The following CFI variants were observed in gnomAD, a reference collection of about 807,000 sequenced individuals.
The protein encoded by CFI is C3B/C4B inactivator.
Under a neutral mutation model 78.8 loss-of-function variants are expected in CFI, and 66 were observed. The ratio of observed to expected loss-of-function variants is 0.84; its 90% CI spans 0.69 to 1.03. The LOEUF (loss-of-function observed/expected upper bound fraction) is 1.03, where lower values mean the gene tolerates loss of function less well. Ranked by LOEUF, CFI falls within the 50% of genes least tolerant of loss-of-function variation. CFI has a pLI of 0.00. For synonymous variants in CFI, 250 were observed against 232.6 expected, an observed-to-expected ratio of 1.07 and a Z score of -0.68; for missense variants, 706 against 704.5, an observed-to-expected ratio of 1.00 and a Z score of -0.02.
At chr4:109,734,736 G>A in the CFI span, among the ~76,000 whole-genome samples, 2 of 152,020 alleles carry the variant, frequency 1.3e-5, no homozygotes. Context: ...CCTAGGAGGT[G>A]GAGGTTGCAG....
chr4:109,791,545 G>C (rs913986682), intron 1 of CFI, among the ~76,000 whole-genome samples: 3 of 152,108 alleles, frequency 2.0e-5, no homozygotes, highest in Admixed American at 1.3e-4. Flanking sequence ...TATTGCCTAG[G>C]TTGTCTTCCA....
rs139323370 is a variant in CFI, at chr4:109,766,016, G to T, written c.328+538C>A. Among the ~76,000 whole-genome samples the T allele has an allele frequency of 9.3e-3, 1,414 of 152,178 alleles. 65 individuals carry two copies. The East Asian group carries it at 0.13, about 14-fold the overall frequency. ...ACCTGTAGTCCCAGCTACTCAGGAG[G>T]CTGAGGCAGGAGAATGGCATGAACC... On this transcript the variant is annotated intron_variant, in intron 2 of 12. Coordinates refer to ENST00000394634, the MANE Select transcript of CFI (RefSeq NM_000204.5).
intron 11 of CFI, among the ~76,000 whole-genome samples, chr4:109,743,533 G>A (rs996126742): frequency 8.5e-5 from 13 of 152,156 alleles, no homozygotes; most frequent in Non-Finnish European, 1.6e-4. Context: ...TTTGTTGACT[G>A]GGTCCATATT....
chr4:109,778,265 T>C, intron 1 of CFI, among the ~76,000 whole-genome samples: 1 of 151,062 alleles, frequency 6.6e-6, no homozygotes, highest in Non-Finnish European at 1.5e-5. Flanking sequence ...AAGAGAAGAA[T>C]CAAATAGATG....
intron 8 of CFI, among the ~76,000 whole-genome samples, chr4:109,750,810 A>G (rs1380185050): frequency 6.6e-6 from 1 of 152,188 alleles, no homozygotes; most frequent in African/African-American, 2.4e-5. Flanking sequence ...TGTTGTATGG[A>G]GGCTAAAGCA....
At position 109,740,755 on chromosome 4, in the gene CFI, T is replaced by A. The variant is rs550949185; in HGVS notation, c.*138A>T. 1.2e-6 allele frequency: 1 copy of A among 823,634 alleles called. No individual in the cohort carries two copies. The highest frequency in any genetic ancestry group is 2.6e-5 in the East Asian group (1 of 37,828). 51.0% of individuals were successfully genotyped at this position (823,634 alleles called of 1,614,324 possible). A position where few individuals can be genotyped will look rare whatever the true frequency, so the allele number is the denominator to read the frequency against. ...AACAAAATTCCAATATGGCATAAAC[T>A]CTGTGGAGACCTTTAAAAATATCCA... On this transcript the variant is annotated 3_prime_UTR_variant, in exon 13 of 13. Coordinates refer to ENST00000394634, the MANE Select transcript of CFI (RefSeq NM_000204.5).
chr4:109,743,899 C>T (rs1179838534), intron 11 of CFI, among the ~76,000 whole-genome samples: 3 of 151,820 alleles, frequency 2.0e-5, no homozygotes, highest in Non-Finnish European at 2.9e-5. Context: ...GTGGGAGGAT[C>T]GCTTGAGCCC....
At chr4:109,736,384 C>T (rs764903583), downstream of CFI, among the ~76,000 whole-genome samples, 32 of 150,764 alleles carry the variant, frequency 2.1e-4, no homozygotes, top group Non-Finnish European at 4.1e-4. Flanking sequence ...AATTTCCCAC[C>T]GCACCAAGGC....
At chr4:109,794,561 G>GT (rs923102545) in intron 1 of CFI, 1 of 152,086 alleles carries the variant, frequency 6.6e-6, no homozygotes, top group African/African-American at 2.4e-5. Context: ...GGAGGGTGAG[G>GT]TGGGTGGATC....
chr4:109,752,846 A>G (rs1401503309), intron 7 of CFI, among the ~76,000 whole-genome samples: 1 of 140,048 alleles, frequency 7.1e-6, no homozygotes, highest in Non-Finnish European at 1.5e-5. Context: ...AACTCTCTGC[A>G]TCCCCAGGGT....
intron 1 of CFI, among the ~76,000 whole-genome samples, chr4:109,773,115 T>C (rs993647291): frequency 1.3e-5 from 2 of 152,154 alleles, no homozygotes; most frequent in Admixed American, 1.3e-4. Context: ...CATGTGATCA[T>C]GGGAACACAA....
intron 1 of CFI, among the ~76,000 whole-genome samples, chr4:109,778,232 C>A (rs1327340668): frequency 2.0e-5 from 3 of 152,008 alleles, no homozygotes; most frequent in Non-Finnish European, 4.4e-5. Flanking sequence ...TGCTAGACTG[C>A]TAGCAAGACT....
intron 1 of CFI, among the ~76,000 whole-genome samples, chr4:109,776,088 C>T (rs888974997): frequency 6.6e-6 from 1 of 151,888 alleles, no homozygotes. Context: ...TTCTCCTTGC[C>T]AGCAACGGAA....
chr4:109,743,725 G>T (rs1285588692), intron 11 of CFI, among the ~76,000 whole-genome samples: 1 of 152,180 alleles, frequency 6.6e-6, no homozygotes, highest in Non-Finnish European at 1.5e-5. Flanking sequence ...TGCTAGATCA[G>T]GCTGGGCACA....
chr4:109,741,229 A>T, intron 12 of CFI, 119 bp from the exon 13 acceptor site: 1 of 1,556,212 alleles, frequency 6.4e-7, no homozygotes, highest in Non-Finnish European at 8.6e-7. Flanking sequence ...CAGCAATAGC[A>T]TGGGCTCTCC....
At chr4:109,733,669 G>A in the CFI span, among the ~76,000 whole-genome samples, 1 of 152,212 alleles carries the variant, frequency 6.6e-6, no homozygotes, top group African/African-American at 2.4e-5. Flanking sequence ...AATCAAGGAT[G>A]GCATTGAAAT....
intron 2 of CFI, 95 bp from the exon 3 acceptor site, chr4:109,764,785 A>G: frequency 8.6e-7 from 1 of 1,162,948 alleles, no homozygotes; most frequent in Non-Finnish European, 1.2e-6. Context: ...CTTAATGTCA[A>G]GTGAGCTTTG....
Position 109,741,065 on chromosome 4 carries a change from C to T in CFI, c.1580G>A (p.Gly527Asp). The T allele has an allele frequency of 1.2e-6, 2 of 1,614,158 alleles. No individual in the cohort carries two copies. Among genetic ancestry groups the T allele is most frequent in the Non-Finnish European group, 8.5e-7 (1 of 1,179,996 alleles). ...SIDACKGDSG[G>D]PLVCMDANNV... Reference sequence around the variant, plus strand: ...GTTGGCATCCATACAGACTAAGGGGCCTCCAGAGTCCCCTTTACAGGCATC... The same window carrying T: ...GTTGGCATCCATACAGACTAAGGGGTCTCCAGAGTCCCCTTTACAGGCATC... Residue 527 changes from glycine to aspartate, a missense_variant, in exon 13 of 13, where the codon GGC (glycine) becomes GAC (aspartate). Gly to Asp is a moderately conservative substitution (Grantham distance 94). Transcript: ENST00000394634.
chr4:109,753,413 TA>T (rs369570457), intron 7 of CFI, among the ~76,000 whole-genome samples: 4 of 336 alleles, frequency 0.012, 2 homozygotes, highest in African/African-American at 0.013. Context: ...ATTTATTATA[TA>T]AATAAATATT....
Sources: allele counts gnomAD v4.1 joint callset (sites outside exome capture counted in the v4.1 genomes callset), GRCh38; gene constraint gnomAD v4.1.1; transcripts MANE v1.5; gene names NCBI Gene and HGNC (gene_info 2026-07-23, HGNC 2026-07-21).